The following APBB2 variants were observed in gnomAD, a reference collection of about 807,000 sequenced individuals.
APBB2 encodes the protein amyloid beta precursor protein binding family B member 2.
APBB2 carries 38 observed loss-of-function variants against 82.5 expected under a neutral mutation model. The ratio of observed to expected loss-of-function variants is 0.46; its 90% CI spans 0.36 to 0.60. The LOEUF is 0.60. Among genes scored for constraint, APBB2 ranks in the 20% least tolerant of loss-of-function variants. The probability of loss-of-function intolerance (pLI) is 0.00; values close to 1 mark genes in which losing one functional copy is unlikely to be tolerated. For missense variants in APBB2, 772 were observed against 972.3 expected, an observed-to-expected ratio of 0.79 and a Z score of 2.74; for synonymous variants, 341 against 368.2, an observed-to-expected ratio of 0.93 and a Z score of 0.85.
chr4:40,828,280 A>C (rs1344021644), intron 13 of APBB2, among the ~76,000 whole-genome samples: 1 of 152,094 alleles, frequency 6.6e-6, no homozygotes, highest in African/African-American at 2.4e-5. Context: ...AGCACTTTAT[A>C]CTCCTGTTCT....
At chr4:40,816,482 A>G (rs1745687706) in intron 17 of APBB2, among the ~76,000 whole-genome samples, 1 of 152,168 alleles carries the variant, frequency 6.6e-6, no homozygotes, top group Non-Finnish European at 1.5e-5. Flanking sequence ...CTTTCCTTCC[A>G]TCCATTTCCA....
At chr4:41,159,232 ATCTC>A (rs909147023) in intron 1 of APBB2, among the ~76,000 whole-genome samples, 2 of 152,176 alleles carry the variant, frequency 1.3e-5, no homozygotes, top group South Asian at 2.1e-4. Flanking sequence ...CCCTTTCTCT[ATCTC>A]TCTCTTTTTC....
At chr4:41,107,310 C>CA (rs905078259) in intron 2 of APBB2, among the ~76,000 whole-genome samples, 7 of 150,952 alleles carry the variant, frequency 4.6e-5, no homozygotes, top group Non-Finnish European at 1.0e-4. Flanking sequence ...GACCCTTTCT[C>CA]AAAAAAAAGA....
At position 41,170,984 on chromosome 4, in the gene APBB2, T is replaced by C. The variant is rs138359857; in HGVS notation, c.-416-27842A>G. ...TTAACCTGTACAATATCTGATAACA[T>C]CCAGTGACTCAAGTATCAGTCCCCT... On this transcript the variant is annotated intron_variant, in intron 1 of 17. Transcript: ENST00000508593. 1.6e-3 allele frequency among the ~76,000 whole-genome samples: 241 copies of C among 152,330 alleles called. 1 individual carries two copies. The highest frequency in any genetic ancestry group is 6.8e-3 in the Middle Eastern group (2 of 294).
intron 4 of APBB2, among the ~76,000 whole-genome samples, chr4:41,057,796 T>C (rs527599477): frequency 6.6e-6 from 1 of 152,336 alleles, no homozygotes; most frequent in African/African-American, 2.4e-5. Context: ...TGTTTCTCCT[T>C]TCCCTTCTGG....
At chr4:40,907,375 ATATATTTTTTTTTTT>A (rs1777241426) in intron 10 of APBB2, among the ~76,000 whole-genome samples, 3 of 32,512 alleles carry the variant, frequency 9.2e-5, no homozygotes, top group African/African-American at 4.9e-4. Context: ...ATATATATAT[ATATATTTTTTTTTTT>A]TTTTTTTTTT....
chr4:41,054,108 C>A (rs1167247677), intron 4 of APBB2, among the ~76,000 whole-genome samples: 1 of 152,228 alleles, frequency 6.6e-6, no homozygotes, highest in Non-Finnish European at 1.5e-5. Flanking sequence ...GGGCAGGTAT[C>A]TCTGAGGCTC....
intron 6 of APBB2, among the ~76,000 whole-genome samples, chr4:40,960,066 G>C (rs576520606): frequency 1.3e-5 from 2 of 152,288 alleles, no homozygotes; most frequent in Non-Finnish European, 2.9e-5. Flanking sequence ...AAAATCAGTA[G>C]AACGGAGGTA....
intron 5 of APBB2, among the ~76,000 whole-genome samples, chr4:41,027,374 T>C (rs1479060624): frequency 6.7e-4 from 23 of 34,308 alleles, no homozygotes; most frequent in African/African-American, 3.2e-3. Flanking sequence ...CATATATATA[T>C]ATATATATAT....
intron 2 of APBB2, chr4:41,118,236 A>T (rs1446867366): frequency 6.6e-6 from 1 of 152,130 alleles, no homozygotes; most frequent in Non-Finnish European, 1.5e-5. Flanking sequence ...AAACAAAAAC[A>T]AAAAACCCTA....
intron 11 of APBB2, among the ~76,000 whole-genome samples, chr4:40,891,595 G>C (rs1293965804): frequency 1.3e-5 from 2 of 152,224 alleles, no homozygotes; most frequent in Non-Finnish European, 2.9e-5. Flanking sequence ...CAGGGAGGCA[G>C]AAATAGGTAT....
intron 1 of APBB2, among the ~76,000 whole-genome samples, chr4:41,205,993 T>C (rs1487983342): frequency 6.6e-6 from 1 of 152,184 alleles, no homozygotes. Context: ...GTAGGATATT[T>C]AGTAGCATTC....
rs1216135922 is a variant in APBB2 at position 40,983,518 on chromosome 4, G to T, written c.835+30065C>A. Among the ~76,000 whole-genome samples the T allele has an allele frequency of 2.6e-5, 4 of 152,072 alleles. No individual in the cohort carries two copies. In the East Asian group the frequency reaches 7.7e-4, roughly 29 times the overall value. On this transcript the variant is annotated intron_variant, in intron 6 of 17. Coordinates refer to ENST00000508593, the MANE Select transcript of APBB2 (RefSeq NM_004307.2). ...CTCAGTAGTGGACAAAACAGCTAAA[G>T]CTGACTTAGTACAATGTCACAGGGA...
At chr4:40,965,748 A>C (rs1426621855) in intron 6 of APBB2, among the ~76,000 whole-genome samples, 1 of 152,214 alleles carries the variant, frequency 6.6e-6, no homozygotes, top group African/African-American at 2.4e-5. Flanking sequence ...AGTATTTTAG[A>C]GGCTTCCAGT....
At chr4:40,859,473 G>A (rs1465994930) in intron 12 of APBB2, among the ~76,000 whole-genome samples, 1 of 151,960 alleles carries the variant, frequency 6.6e-6, no homozygotes, top group African/African-American at 2.4e-5. Context: ...CCAAAGTGCT[G>A]GGATTAGAGG....
chr4:40,952,263 C>G (rs1296470371), intron 6 of APBB2, among the ~76,000 whole-genome samples: 3 of 151,758 alleles, frequency 2.0e-5, no homozygotes, highest in Non-Finnish European at 4.4e-5. Context: ...GTTAGGCTCC[C>G]TCAGCAGGGC....
chr4:41,169,703 T>C (rs1767718324), intron 1 of APBB2, among the ~76,000 whole-genome samples: 1 of 152,190 alleles, frequency 6.6e-6, no homozygotes. Context: ...CTAAAATGCC[T>C]CCATCGAACA....
chr4:40,821,696 T>G (rs1362460785), intron 17 of APBB2, among the ~76,000 whole-genome samples, 175 bp downstream of exon 17: 2 of 152,228 alleles, frequency 1.3e-5, no homozygotes, highest in Non-Finnish European at 1.5e-5. Flanking sequence ...CCTTTGGAGA[T>G]GTAATCTGTT....
intron 1 of APBB2, among the ~76,000 whole-genome samples, chr4:41,194,394 C>A: frequency 2.0e-5 from 3 of 152,138 alleles, no homozygotes; most frequent in Non-Finnish European, 2.9e-5. Context: ...TAAATATACA[C>A]ATCTGGGGCC....
Sources: allele counts gnomAD v4.1 joint callset (sites outside exome capture counted in the v4.1 genomes callset), GRCh38; gene constraint gnomAD v4.1.1; transcripts MANE v1.5; gene names NCBI Gene and HGNC (gene_info 2026-07-23, HGNC 2026-07-21).